The following PCBP3 variants were observed in gnomAD, a reference collection of about 807,000 sequenced individuals.
PCBP3 encodes poly(rC) binding protein 3.
A neutral mutation model predicts 52.7 loss-of-function variants in PCBP3; 25 were observed. The ratio of observed to expected loss-of-function variants is 0.47; its 90% CI spans 0.35 to 0.66. The LOEUF (loss-of-function observed/expected upper bound fraction) is 0.66, where lower values mean the gene tolerates loss of function less well. Ranked by LOEUF, PCBP3 falls within the 30% of genes least tolerant of loss-of-function variation. The pLI, the probability that PCBP3 is intolerant of heterozygous loss-of-function variation, is 0.01. For synonymous variants in PCBP3, 162 were observed against 183.0 expected (o/e 0.89, Z 0.93); for missense variants, 391 against 490.3 (o/e 0.80, Z 1.91).
chr21:45,874,743 A>T (rs1375282572), intron 5 of PCBP3, among the ~76,000 whole-genome samples: 1 of 151,958 alleles, frequency 6.6e-6, no homozygotes, highest in Non-Finnish European at 1.5e-5. Context: ...GTCTTCTTTT[A>T]AGATTTGATT....
intron 4 of PCBP3, among the ~76,000 whole-genome samples, chr21:45,814,907 GTGGTGAGTGA>G: frequency 7.2e-6 from 1 of 138,682 alleles, no homozygotes; most frequent in Admixed American, 7.0e-5. Context: ...TGGTGAGTGA[GTGGTGAGTGA>G]TGAGTGAGTG....
At position 45,930,888 on chromosome 21, in the gene PCBP3, A is replaced by G. The variant is rs201979354; in HGVS notation, c.856+43A>G. The G allele has an allele frequency of 5.7e-5, 92 of 1,610,530 alleles. No homozygotes were observed. The Middle Eastern group carries it at 1.3e-3, about 24-fold the overall frequency. ...TGACAGGAGAACAGGCCAGGGCAGC[A>G]GAGCAGAGCCCCAGTGGGAGGAGGT... On this transcript the variant is annotated intron_variant, in intron 15 of 17. Coordinates refer to ENST00000681687, the MANE Select transcript of PCBP3 (RefSeq NM_001384156.1).
chr21:45,846,610 T>C (rs1038595285), intron 4 of PCBP3, among the ~76,000 whole-genome samples: 8 of 152,254 alleles, frequency 5.3e-5, no homozygotes, highest in African/African-American at 1.9e-4. Flanking sequence ...TAATGATTGC[T>C]GTTCTTAGGT....
chr21:45,771,883 GAGTA>G (rs1237979016), intron 4 of PCBP3, among the ~76,000 whole-genome samples: 2 of 152,152 alleles, frequency 1.3e-5, no homozygotes, highest in African/African-American at 4.8e-5. Flanking sequence ...CTGAACTAAT[GAGTA>G]AGTTTATCAA....
At chr21:45,757,296 T>C (rs1305692976) in intron 4 of PCBP3, among the ~76,000 whole-genome samples, 2 of 152,264 alleles carry the variant, frequency 1.3e-5, no homozygotes, top group Admixed American at 6.5e-5. Flanking sequence ...GAACATCTTT[T>C]CTTGTGCTTA....
chr21:45,721,367 C>T (rs372678451), intron 2 of PCBP3, among the ~76,000 whole-genome samples: 15 of 144,144 alleles, frequency 1.0e-4, no homozygotes, highest in African/African-American at 3.3e-4. Context: ...GAGCCAAGAT[C>T]GCGCCACTGC....
intron 2 of PCBP3, among the ~76,000 whole-genome samples, chr21:45,696,027 C>T (rs138382277): frequency 0.031 from 4,176 of 136,480 alleles, 87 homozygotes; most frequent in Non-Finnish European, 0.044. Context: ...TGCAGTGAGC[C>T]GAGATCGCGC....
At chr21:45,782,972 G>A (rs2090757841) in intron 4 of PCBP3, among the ~76,000 whole-genome samples, 1 of 152,200 alleles carries the variant, frequency 6.6e-6, no homozygotes, top group South Asian at 2.1e-4. Flanking sequence ...GCTTTCTCAT[G>A]TAGTTTGTAC....
rs912762770 is a variant in PCBP3 at position 45,853,604 on chromosome 21, C to T, written c.10+3509C>T. ...CACCCCTGTGAATGGAGAGGGTGTT[C>T]CTGTCATGGCTGAAGTGTTTGCATT... On this transcript the variant is annotated intron_variant, in intron 5 of 17. Transcript: ENST00000681687. This position sits in a 1 kb window ranked among gnomAD's most constrained non-coding sequence, Gnocchi z 4.6. Among the ~76,000 whole-genome samples the T allele has an allele frequency of 1.3e-5, 2 of 152,122 alleles. No homozygotes were observed. The highest frequency in any genetic ancestry group is 2.4e-5 in the African/African-American group (1 of 41,422).
intron 2 of PCBP3, chr21:45,673,450 A>G (rs2081290082): frequency 1.3e-5 from 2 of 152,226 alleles, no homozygotes; most frequent in African/African-American, 4.8e-5. Flanking sequence ...AGATATAAAG[A>G]TAAACATTTT....
intron 2 of PCBP3, among the ~76,000 whole-genome samples, chr21:45,697,873 A>G (rs2082880055): frequency 6.6e-6 from 1 of 152,136 alleles, no homozygotes; most frequent in South Asian, 2.1e-4. Context: ...TAGTTTCCAG[A>G]AAGTCCAGAA....
At chr21:45,666,812 A>G (rs556590596) in intron 1 of PCBP3, among the ~76,000 whole-genome samples, 26 of 151,228 alleles carry the variant, frequency 1.7e-4, no homozygotes, top group South Asian at 6.3e-4. Context: ...ACTGCAACCT[A>G]TGCCTTCCGG....
intron 4 of PCBP3, among the ~76,000 whole-genome samples, chr21:45,819,600 G>T (rs927896106): frequency 6.6e-6 from 1 of 152,228 alleles, no homozygotes; most frequent in Admixed American, 6.5e-5. Context: ...GGGTCAAACC[G>T]CCCACGCAGC....
intron 5 of PCBP3, among the ~76,000 whole-genome samples, chr21:45,850,984 G>A (rs764812337): frequency 6.6e-6 from 1 of 152,210 alleles, no homozygotes; most frequent in Non-Finnish European, 1.5e-5. Context: ...TTATGAGGCA[G>A]TATATGTCCA....
Position 45,928,679 on chromosome 21 carries a change from C to T in PCBP3, c.718-1238C>T, listed in dbSNP as rs1020713640. On this transcript the variant is annotated intron_variant, in intron 13 of 17. Transcript: ENST00000681687. This position sits in a 1 kb window ranked among gnomAD's most constrained non-coding sequence, Gnocchi z 4.1. ...GTGCAGATGGCAGCTCTGCTCCGAG[C>T]GCCCACACCCCCCAGCATTGGTGGC... is the stretch of plus-strand genomic sequence containing the variant. Among the ~76,000 whole-genome samples, 7 of 152,010 alleles carry T rather than the reference C, an allele frequency of 4.6e-5. No homozygotes were observed. Among genetic ancestry groups the T allele is most frequent in the East Asian group, 1.9e-4 (1 of 5,160 alleles).
chr21:45,772,564 C>T (rs1278640711), intron 4 of PCBP3, among the ~76,000 whole-genome samples: 1 of 152,054 alleles, frequency 6.6e-6, no homozygotes, highest in African/African-American at 2.4e-5. Context: ...ATTTTATTTC[C>T]TTTGGGTAGA....
chr21:45,646,107 C>CTCTCTCTCTCTCTCTGTGTG (rs1555895746), intron 1 of PCBP3, among the ~76,000 whole-genome samples: 3 of 83,782 alleles, frequency 3.6e-5, no homozygotes, highest in Non-Finnish European at 6.8e-5. Flanking sequence ...CTCTCTCTCT[C>CTCTCTCTCTCTCTCTGTGTG]TGTGTGTGTG....
In PCBP3 at chr21:45,901,101, C is replaced by T; in HGVS notation, c.327C>T (p.Tyr109=). The T allele has an allele frequency of 1.2e-6, 2 of 1,611,718 alleles. No homozygotes were observed. Among genetic ancestry groups the T allele is most frequent in the East Asian group, 2.2e-5 (1 of 44,868 alleles). The change falls in exon 9 of 18, where the codon TAC becomes TAT. Residue 109 remains tyrosine (Y), a synonymous_variant. Coordinates refer to ENST00000681687, the MANE Select transcript of PCBP3 (RefSeq NM_001384156.1). ...TCAAGGCCTTTGCCATGATCGCATA[C>T]AAGTTTGAGGAGGTAACCTGCACCC... ...AIFKAFAMIA[Y]KFEEDIINSM...
chr21:45,672,822 G>A (rs571692591), intron 2 of PCBP3, among the ~76,000 whole-genome samples: 24 of 152,098 alleles, frequency 1.6e-4, no homozygotes, highest in Non-Finnish European at 2.6e-4. Context: ...AGCTTTTCCC[G>A]GATTGTGAGG....
Sources: allele counts gnomAD v4.1 joint callset (sites outside exome capture counted in the v4.1 genomes callset), GRCh38; gene constraint gnomAD v4.1.1; non-coding constraint Gnocchi (gnomAD v3.1); transcripts MANE v1.5; gene names NCBI Gene and HGNC (gene_info 2026-07-23, HGNC 2026-07-21).